GALNTL6: variants seen among roughly 807,000 people sequenced by gnomAD.
GALNTL6 encodes polypeptide N-acetylgalactosaminyltransferase-like 6.
Under a neutral mutation model 73.7 loss-of-function variants are expected in GALNTL6, and 46 were observed. The ratio of observed to expected loss-of-function variants is 0.62; its 90% CI spans 0.49 to 0.80. The LOEUF (loss-of-function observed/expected upper bound fraction) is 0.80. Among genes scored for constraint, GALNTL6 ranks in the 30% least tolerant of loss-of-function variants. The probability of loss-of-function intolerance (pLI) is 0.00; values close to 1 mark genes in which losing one functional copy is unlikely to be tolerated. For missense variants in GALNTL6, 604 were observed against 755.0 expected (o/e 0.80, Z 2.34); for synonymous variants, 259 against 263.7 (o/e 0.98, Z 0.17).
chr4:172,553,654 A>G lies in GALNTL6; in HGVS notation c.553+204965A>G, dbSNP rs1736041816. ...CATCATAACACAAATGCTTATATTA[A>G]CAATATTTTCCTGCACATACAATAT... On this transcript the variant is annotated intron_variant, in intron 5 of 12. Coordinates refer to ENST00000506823, the MANE Select transcript of GALNTL6 (RefSeq NM_001034845.3). Among the ~76,000 whole-genome samples, 5 of 152,186 alleles carry G rather than the reference A, an allele frequency of 3.3e-5. No individual in the cohort carries two copies. The South Asian group carries it at 8.3e-4, about 25-fold the overall frequency.
intron 7 of GALNTL6, among the ~76,000 whole-genome samples, chr4:172,877,425 C>T (rs186457583): frequency 2.0e-5 from 3 of 151,954 alleles, no homozygotes; most frequent in African/African-American, 7.2e-5. Context: ...GCATTAAGTA[C>T]TGTATCTTGG....
chr4:172,898,192 CTCT>C (rs1351183833), intron 8 of GALNTL6, among the ~76,000 whole-genome samples: 4 of 151,910 alleles, frequency 2.6e-5, no homozygotes, highest in Non-Finnish European at 5.9e-5. Context: ...CAGTGTACAG[CTCT>C]TCTTCATATG....
chr4:171,891,465 T>G (rs920853915), intron 2 of GALNTL6, among the ~76,000 whole-genome samples: 6 of 152,228 alleles, frequency 3.9e-5, no homozygotes, highest in African/African-American at 1.4e-4. Context: ...AATTTCTGCA[T>G]ACATGTTTAG....
chr4:173,040,062 A>G lies in GALNTL6; in HGVS notation c.1768A>G (p.Thr590Ala). The change falls in exon 13 of 13, where the codon ACT becomes GCT. Residue 590 changes from threonine to alanine, a missense_variant. Transcript: ENST00000506823. ...QQWIFEHINM[T>A]VLEKFNHHAN... ...GTGGATTTTTGAACACATTAATATG[A>G]CTGTTTTAGAAAAATTTAACCACCA... 6.2e-7 allele frequency: 1 copy of G among 1,613,128 alleles called. No homozygotes were observed.
intron 3 of GALNTL6, among the ~76,000 whole-genome samples, chr4:172,285,303 A>G (rs79252410): frequency 0.012 from 1,839 of 152,270 alleles, 35 homozygotes; most frequent in African/African-American, 0.042. Flanking sequence ...TTAAAAATAT[A>G]TACATAATTT....
At chr4:171,989,065 G>A (rs1343819869) in intron 2 of GALNTL6, among the ~76,000 whole-genome samples, 2 of 152,142 alleles carry the variant, frequency 1.3e-5, no homozygotes, top group South Asian at 2.1e-4. Context: ...TATTGTCTAA[G>A]TTGGCACCAG....
At chr4:172,521,054 A>G (rs770174187) in intron 5 of GALNTL6, among the ~76,000 whole-genome samples, 1 of 152,096 alleles carries the variant, frequency 6.6e-6, no homozygotes, top group African/African-American at 2.4e-5. Flanking sequence ...ATTTGCAAGA[A>G]TGTATATTTT....
At chr4:172,534,117 C>G (rs1424567531) in intron 5 of GALNTL6, among the ~76,000 whole-genome samples, 1 of 152,158 alleles carries the variant, frequency 6.6e-6, no homozygotes, top group Non-Finnish European at 1.5e-5. Flanking sequence ...GGAACGTTTC[C>G]TGTGAGGAAC....
Position 172,156,566 on chromosome 4 carries a change from T to C in GALNTL6, c.139-73090T>C, listed in dbSNP as rs1295545198. On this transcript the variant is annotated intron_variant, in intron 2 of 12. Coordinates refer to ENST00000506823, the MANE Select transcript of GALNTL6 (RefSeq NM_001034845.3). ...ATATATATATATATATATATATATATACATACTATATATATATAGTATATT... is the reference window on the plus strand; with the variant it reads ...ATATATATATATATATATATATATACACATACTATATATATATAGTATATT... Among the ~76,000 whole-genome samples, 51 of 102,040 alleles carry C rather than the reference T, an allele frequency of 5.0e-4. 1 individual carries two copies. Among genetic ancestry groups the C allele is most frequent in the South Asian group, 1.5e-3 (5 of 3,378 alleles). The allele number at this position is 102,040 out of a possible 152,430, so 66.9% of individuals were successfully genotyped here. A position where few individuals can be genotyped will look rare whatever the true frequency, so the allele number is the denominator to read the frequency against.
intron 2 of GALNTL6, among the ~76,000 whole-genome samples, chr4:172,005,440 A>G (rs977570784): frequency 6.6e-6 from 1 of 152,160 alleles, no homozygotes; most frequent in African/African-American, 2.4e-5. Context: ...AAAAGCTTCA[A>G]AGAAACACTT....
intron 5 of GALNTL6, among the ~76,000 whole-genome samples, chr4:172,711,967 C>T (rs550294586): frequency 1.6e-4 from 24 of 152,196 alleles, no homozygotes; most frequent in African/African-American, 4.8e-4. Context: ...AGAGCTATCC[C>T]GGAAGGCAGG....
At chr4:172,996,584 C>T (rs1411916227) in intron 10 of GALNTL6, among the ~76,000 whole-genome samples, 5 of 152,082 alleles carry the variant, frequency 3.3e-5, no homozygotes, top group Admixed American at 6.6e-5. Context: ...TTAATAGTTT[C>T]GGAGGGCTCT....
At chr4:172,696,584 T>C (rs1733708796) in intron 5 of GALNTL6, among the ~76,000 whole-genome samples, 1 of 152,182 alleles carries the variant, frequency 6.6e-6, no homozygotes, top group African/African-American at 2.4e-5. Context: ...ATACTTGTGA[T>C]AGTGAATACA....
intron 5 of GALNTL6, among the ~76,000 whole-genome samples, chr4:172,376,710 A>G (rs992441506): frequency 1.3e-5 from 2 of 152,006 alleles, no homozygotes; most frequent in African/African-American, 4.8e-5. Context: ...CCGCTTGGTG[A>G]CAGGCAGTTG....
At chr4:172,942,400 T>C (rs193021940) in intron 9 of GALNTL6, among the ~76,000 whole-genome samples, 179 of 152,344 alleles carry the variant, frequency 1.2e-3, no homozygotes, top group Middle Eastern at 3.4e-3. Flanking sequence ...GGAACCAAAC[T>C]CTTGATAATC....
chr4:171,897,671 GA>G (rs1375481859), intron 2 of GALNTL6, among the ~76,000 whole-genome samples: 1 of 151,642 alleles, frequency 6.6e-6, no homozygotes, highest in Admixed American at 6.6e-5. Flanking sequence ...CTTTTTTCGA[GA>G]CGGAGTCTCA....
At chr4:172,138,160 T>C (rs1260146050) in intron 2 of GALNTL6, among the ~76,000 whole-genome samples, 1 of 151,974 alleles carries the variant, frequency 6.6e-6, no homozygotes, top group Non-Finnish European at 1.5e-5. Flanking sequence ...TTATGATTGG[T>C]TGAAAAAACT....
chr4:171,934,127 C>A (rs1369301861), intron 2 of GALNTL6, among the ~76,000 whole-genome samples: 2 of 152,118 alleles, frequency 1.3e-5, no homozygotes, highest in African/African-American at 4.8e-5. Context: ...TAGTGTATCT[C>A]ATATCAAGAG....
chr4:171,988,330 C>T (rs1221874156), intron 2 of GALNTL6, among the ~76,000 whole-genome samples: 5 of 152,108 alleles, frequency 3.3e-5, no homozygotes, highest in African/African-American at 1.2e-4. Context: ...AGAATTATGC[C>T]AAGATACGTA....
Sources: gnomAD v4.1 joint callset for allele counts (sites outside exome capture counted in the v4.1 genomes callset) on GRCh38, gnomAD v4.1.1 for gene constraint, MANE v1.5 for transcripts, NCBI Gene and HGNC (gene_info 2026-07-23, HGNC 2026-07-21) for gene names.